ODAD3: variants seen among roughly 807,000 people sequenced by gnomAD.
The protein encoded by ODAD3 is outer dynein arm docking complex subunit 3, also known as outer dynein arm-docking complex subunit 3.
ODAD3 carries 57 observed loss-of-function variants against 70.9 expected under a neutral mutation model. That is an observed-to-expected ratio of 0.80 (90% CI 0.65 to 1.00). The LOEUF (loss-of-function observed/expected upper bound fraction) is 1.00. Ranked by LOEUF, ODAD3 falls within the 50% of genes least tolerant of loss-of-function variation. The pLI, the probability that ODAD3 is intolerant of heterozygous loss-of-function variation, is 0.00. For missense variants in ODAD3, 797 were observed against 763.9 expected (o/e 1.04, Z -0.51); for synonymous variants, 327 against 315.9 (o/e 1.04, Z -0.37).
rs775771061 is a variant in ODAD3 at position 11,426,735 on chromosome 19, T to C, written c.662A>G (p.Gln221Arg). 34 of 1,613,784 alleles carry C rather than the reference T, an allele frequency of 2.1e-5. No individual in the cohort carries two copies. The highest frequency in any genetic ancestry group is 2.7e-5 in the Non-Finnish European group (32 of 1,179,892). ...NRLEKAQMKA[Q>R]EAEHITSVYL... ...CACGCTGGTAATGTGCTCGGCCTCC[T>C]GCGCCTTCATCTGGGCCTTCTCCAG... is the stretch of plus-strand genomic sequence containing the variant. Residue 221 changes from glutamine (Q) to arginine (R), a missense_variant, in exon 5 of 13, where the codon CAG (glutamine) becomes CGG (arginine). By Grantham distance (43) the Gln-to-Arg change is conservative. Coordinates refer to ENST00000356392, the MANE Select transcript of ODAD3 (RefSeq NM_145045.5).
chr19:11,421,904 C>CT, intron 10 of ODAD3, 72 bp from the exon 11 acceptor site: 1 of 1,517,302 alleles, frequency 6.6e-7, no homozygotes. Context: ...AGGGGCGGGG[C>CT]TTTTCTTTCG....
intron 7 of ODAD3, among the ~76,000 whole-genome samples, chr19:11,424,665 GTA>G (rs1446999883): frequency 3.9e-5 from 3 of 76,966 alleles, no homozygotes; most frequent in East Asian, 4.0e-4. Flanking sequence ...GTGTATATAT[GTA>G]TATATGTGTA....
chr19:11,425,359 GTACATATGTGTATATA>G (rs1969311080), intron 7 of ODAD3, among the ~76,000 whole-genome samples: 1 of 131,184 alleles, frequency 7.6e-6, no homozygotes, highest in African/African-American at 3.2e-5. Flanking sequence ...ATGTGTATAT[GTACATATGTGTATATA>G]TGTGTGTATG....
At chr19:11,432,226 T>C (rs936582555) in intron 1 of ODAD3, among the ~76,000 whole-genome samples, 3 of 152,168 alleles carry the variant, frequency 2.0e-5, no homozygotes, top group Non-Finnish European at 4.4e-5. Flanking sequence ...ACTCAGGTTT[T>C]GCATTCCAGG....
chr19:11,424,596 AAT>A (rs1274389513), intron 7 of ODAD3, among the ~76,000 whole-genome samples: 163 of 97,528 alleles, frequency 1.7e-3, no homozygotes, highest in Non-Finnish European at 2.3e-3. Flanking sequence ...TATGTGTATA[AAT>A]ATATATGTGT....
In ODAD3 at chr19:11,426,737, C is replaced by A. The variant is rs760856246; in HGVS notation, c.660G>T (p.Ala220=). 6.2e-7 allele frequency: 1 copy of A among 1,613,896 alleles called. No homozygotes were observed. Among genetic ancestry groups the A allele is most frequent in the South Asian group, 1.1e-5 (1 of 91,068 alleles). The change falls in exon 5 of 13, where the codon GCG becomes GCT. Residue 220 remains alanine, a synonymous_variant. Transcript: ENST00000356392. The stretch of plus-strand genomic sequence containing the variant: ...CGCTGGTAATGTGCTCGGCCTCCTG[C>A]GCCTTCATCTGGGCCTTCTCCAGGC... ...ENRLEKAQMK[A]QEAEHITSVY... is the part of the protein sequence containing the mutation.
upstream of ODAD3, chr19:11,435,447 C>T (rs919663636): frequency 1.1e-5 from 4 of 360,750 alleles, no homozygotes; most frequent in South Asian, 4.3e-5. Flanking sequence ...GATGGAGGTA[C>T]GCTGCGCCGC....
intron 7 of ODAD3, among the ~76,000 whole-genome samples, chr19:11,425,227 GTATATGTACATATGTGTA>G (rs1969290742): frequency 7.4e-6 from 1 of 135,122 alleles, no homozygotes; most frequent in Non-Finnish European, 1.5e-5. Flanking sequence ...ATATATGTGT[GTATATGTACATATGTGTA>G]TATATGTATA....
intron 7 of ODAD3, among the ~76,000 whole-genome samples, chr19:11,424,559 A>G (rs11883357): frequency 0.012 from 1,611 of 139,046 alleles, 56 homozygotes; most frequent in African/African-American, 0.046. Context: ...ACCTATGTGT[A>G]TATATGTATA....
At chr19:11,427,128 G>T in intron 3 of ODAD3, 88 bp from the exon 4 acceptor site, 1 of 1,392,178 alleles carries the variant, frequency 7.2e-7, no homozygotes, top group Non-Finnish European at 9.5e-7. Context: ...CTCCCACACT[G>T]TGGCTTCCAG....
Position 11,426,877 on chromosome 19 carries a change from G to T in ODAD3, c.608C>A (p.Ala203Asp), listed in dbSNP as rs374534203. 6.2e-7 allele frequency: 1 copy of T among 1,609,402 alleles called. No homozygotes were observed. The highest frequency in any genetic ancestry group is 1.3e-5 in the African/African-American group (1 of 74,976). The change falls in exon 4 of 13, where the codon GCC (alanine) becomes GAC (aspartate). Residue 203 changes from alanine (A) to aspartate (D), a missense_variant. Transcript: ENST00000356392. ...GCAGGCCTCACCCGCCCCTACCTTG[G>T]CCACCTCCGTGTGTCTGTTTTGCGC... The part of the protein sequence containing the change: ...AEAQNRHTEV[A>D]KTMRNLENRL...
intron 3 of ODAD3, among the ~76,000 whole-genome samples, chr19:11,430,285 G>A (rs542717898): frequency 5.0e-4 from 76 of 152,134 alleles, no homozygotes; most frequent in African/African-American, 1.3e-3. Context: ...TTACAGGCAC[G>A]TGCCATCATG....
chr19:11,434,529 T>G (rs974092693), intron 1 of ODAD3: 1 of 285,804 alleles, frequency 3.5e-6, no homozygotes, highest in South Asian at 7.4e-5. Flanking sequence ...AGAGTGAGAT[T>G]CTGCCAAAAA....
rs757931277 is a variant in ODAD3, at chr19:11,421,236, G to A, written c.1591-24C>T. ...AACTAAGCGGGGATGGGAAGCGAGA[G>A]AGGAAGGTGGGCGGGGCCAGGGGCC... On this transcript the variant is annotated intron_variant, in intron 11 of 12. Transcript: ENST00000356392. 1.9e-6 allele frequency: 3 copies of A among 1,604,472 alleles called. No individual in the cohort carries two copies. The East Asian group carries it at 6.7e-5, about 36-fold the overall frequency.
chr19:11,423,416 G>A (rs1969188390), intron 8 of ODAD3, among the ~76,000 whole-genome samples: 1 of 152,168 alleles, frequency 6.6e-6, no homozygotes, highest in African/African-American at 2.4e-5. Context: ...GGACCCAAGG[G>A]GGACACAGCG....
rs953077377 is a variant in ODAD3 at position 11,430,590 on chromosome 19, T to G, written c.444+109A>C. 9.1e-6 allele frequency: 9 copies of G among 988,152 alleles called. No individual in the cohort carries two copies. The Admixed American group carries it at 1.2e-4, about 14-fold the overall frequency. 61.2% of individuals were successfully genotyped at this position (988,152 alleles called of 1,614,324 possible). ...ATAAAGATTTAATTGAATGAGCACA[T>G]GAATGGCAGCTAGTGTGCAGGAAGG... On this transcript the variant is annotated intron_variant, in intron 3 of 12. Coordinates refer to ENST00000356392, the MANE Select transcript of ODAD3 (RefSeq NM_145045.5).
rs539080337 is a variant in ODAD3 at position 11,427,962 on chromosome 19, T to C, written c.445-922A>G. On this transcript the variant is annotated intron_variant, in intron 3 of 12. Coordinates refer to ENST00000356392, the MANE Select transcript of ODAD3 (RefSeq NM_145045.5). The stretch of plus-strand genomic sequence containing the variant: ...AAAAATACAAAAAATTAGCCGGGCA[T>C]GGTGGCAGGCGCCTGTAGTCCCAGC... Among the ~76,000 whole-genome samples the C allele has an allele frequency of 4.0e-5, 6 of 151,644 alleles. No homozygotes were observed. The South Asian group carries it at 6.3e-4, about 16-fold the overall frequency.
rs1384541934 is a variant in ODAD3, at chr19:11,425,461, G to GTGTATATATGTATATATGTGTGTATATA, written c.963+655_963+682dup. 9.1e-3 allele frequency among the ~76,000 whole-genome samples: 969 copies of GTGTATATATGTATATATGTGTGTATATA among 106,704 alleles called. 14 individuals carry two copies. Among genetic ancestry groups the GTGTATATATGTATATATGTGTGTATATA allele is most frequent in the East Asian group, 0.025 (102 of 4,000 alleles). 70.0% of individuals were successfully genotyped at this position (106,704 alleles called of 152,430 possible). On this transcript the variant is annotated intron_variant, in intron 7 of 12. Coordinates refer to ENST00000356392, the MANE Select transcript of ODAD3 (RefSeq NM_145045.5). ...TATATGTATATATACATATATGTGT[G>GTGTATATATGTATATATGTGTGTATATA]TGTATATATGTATATATGTGTGTAT...
At chr19:11,426,042 A>G in intron 7 of ODAD3, 102 bp downstream of exon 7, 1 of 1,454,974 alleles carries the variant, frequency 6.9e-7, no homozygotes, top group Non-Finnish European at 9.1e-7. Flanking sequence ...GTTAGGAGAA[A>G]CAGAAAATGG....
Sources: gnomAD v4.1 joint callset for allele counts (sites outside exome capture counted in the v4.1 genomes callset) on GRCh38, gnomAD v4.1.1 for gene constraint, MANE v1.5 for transcripts, NCBI Gene and HGNC (gene_info 2026-07-23, HGNC 2026-07-21) for gene names.